MORC1: variants seen among roughly 807,000 people sequenced by gnomAD.
MORC1 encodes the protein MORC family CW-type zinc finger 1, also known as MORC family CW-type zinc finger protein 1.
MORC1 carries 59 observed loss-of-function variants against 134.9 expected under a neutral mutation model. The observed-to-expected ratio is 0.44, with a 90% CI of 0.35 to 0.54. The LOEUF is 0.54. MORC1 is among the 20% of genes least tolerant of loss of function. MORC1 has a pLI of 0.00. For synonymous variants in MORC1, 395 were observed against 391.7 expected (o/e 1.01, Z -0.10); for missense variants, 947 against 1,134.5 (o/e 0.83, Z 2.37).
At chr3:109,090,501 T>G (rs2107755468) in intron 8 of MORC1, among the ~76,000 whole-genome samples, 1 of 151,008 alleles carries the variant, frequency 6.6e-6, no homozygotes, top group Non-Finnish European at 1.5e-5. Context: ...ATGCTTGTAA[T>G]CCCAGCTACT....
intron 20 of MORC1, among the ~76,000 whole-genome samples, chr3:109,003,430 C>CAG (rs1553746836): frequency 6.1e-5 from 9 of 146,974 alleles, no homozygotes; most frequent in African/African-American, 2.3e-4. Context: ...CACACACACA[C>CAG]GCATGCATAC....
intron 17 of MORC1, among the ~76,000 whole-genome samples, chr3:109,027,543 C>T (rs372619270): frequency 6.7e-6 from 1 of 150,150 alleles, no homozygotes; most frequent in East Asian, 1.9e-4. Flanking sequence ...TATAGATGGG[C>T]TTAGATATCA....
intron 15 of MORC1, 75 bp from the exon 16 acceptor site, chr3:109,032,900 T>C: frequency 1.1e-6 from 1 of 932,448 alleles, no homozygotes; most frequent in East Asian, 2.4e-5. Flanking sequence ...AGTTTGCACA[T>C]ATCAAAAGTA....
At chr3:109,009,599 G>C (rs775805282) in intron 17 of MORC1, among the ~76,000 whole-genome samples, 1 of 152,140 alleles carries the variant, frequency 6.6e-6, no homozygotes, top group Non-Finnish European at 1.5e-5. Flanking sequence ...TTTCCATGAG[G>C]ATCTTACAGT....
rs1326995509 is a variant in MORC1 at position 108,969,708 on chromosome 3, T to C, written c.2565A>G (p.Pro855=). 6.2e-7 allele frequency: 1 copy of C among 1,613,852 alleles called. No individual in the cohort carries two copies. The highest frequency in any genetic ancestry group is 2.2e-5 in the East Asian group (1 of 44,838). ...PALSCELEQC[P]EQMNKKLKMC... ...TTTTCAGCTTTTTGTTCATCTGCTC[T>C]GGGCACTGCTCCAGCTGTTTTCATA... is the stretch of plus-strand genomic sequence containing the variant. The change falls in exon 26 of 28, where the codon CCA becomes CCG. Residue 855 remains proline, a synonymous_variant. Coordinates refer to ENST00000232603, the MANE Select transcript of MORC1 (RefSeq NM_014429.4).
chr3:109,054,599 A>T, intron 14 of MORC1, 129 bp downstream of exon 14: 1 of 815,506 alleles, frequency 1.2e-6, no homozygotes, highest in Non-Finnish European at 1.8e-6. Context: ...TCCTGTTTTT[A>T]AAGCAGGAGC....
chr3:109,040,663 C>T (rs957542972), intron 14 of MORC1, among the ~76,000 whole-genome samples: 2 of 151,280 alleles, frequency 1.3e-5, no homozygotes, highest in African/African-American at 4.9e-5. Flanking sequence ...AACCCCATCT[C>T]TACTAAAAAT....
intron 14 of MORC1, among the ~76,000 whole-genome samples, chr3:109,037,286 T>C (rs1054152619): frequency 7.2e-5 from 11 of 152,342 alleles, no homozygotes; most frequent in South Asian, 4.1e-4. Flanking sequence ...TCAGCTTCCT[T>C]AGCCTTTGAG....
At chr3:109,062,388 T>C (rs1950103221) in intron 10 of MORC1, among the ~76,000 whole-genome samples, 2 of 151,804 alleles carry the variant, frequency 1.3e-5, no homozygotes, top group Non-Finnish European at 2.9e-5. Flanking sequence ...GTTTTGTTCC[T>C]GCAGTAGGAG....
chr3:109,094,507 A>C (rs1199469797), intron 7 of MORC1, among the ~76,000 whole-genome samples: 1 of 152,170 alleles, frequency 6.6e-6, no homozygotes, highest in Non-Finnish European at 1.5e-5. Flanking sequence ...ACTTTTGCTA[A>C]CTCTTTGCCA....
At chr3:109,033,794 C>G (rs1407495425) in intron 15 of MORC1, among the ~76,000 whole-genome samples, 1 of 152,204 alleles carries the variant, frequency 6.6e-6, no homozygotes, top group Non-Finnish European at 1.5e-5. Flanking sequence ...TAGACACTAT[C>G]CTTAGCACTT....
At chr3:109,033,299 AGGAAGGAAG>A (rs1290877308) in intron 15 of MORC1, among the ~76,000 whole-genome samples, 11 of 45,452 alleles carry the variant, frequency 2.4e-4, no homozygotes, top group Non-Finnish European at 6.7e-4. Flanking sequence ...GAAGGAAGGA[AGGAAGGAAG>A]GAAGGAAGGA....
At chr3:108,987,039 C>A in intron 21 of MORC1, 90 bp from the exon 22 acceptor site, 1 of 924,426 alleles carries the variant, frequency 1.1e-6, no homozygotes, top group Non-Finnish European at 1.6e-6. Flanking sequence ...GTGTCCCCAG[C>A]AGAAAAGAAA....
chr3:109,061,555 G>T (rs944433745), intron 11 of MORC1, among the ~76,000 whole-genome samples: 2 of 152,166 alleles, frequency 1.3e-5, no homozygotes, highest in African/African-American at 2.4e-5. Flanking sequence ...AAGAAGGATT[G>T]CTTGTTAGAC....
chr3:108,980,269 G>C, intron 23 of MORC1, among the ~76,000 whole-genome samples: 1 of 152,148 alleles, frequency 6.6e-6, no homozygotes, highest in East Asian at 1.9e-4. Flanking sequence ...AGAAGCTCCA[G>C]AGTGGAACTT....
chr3:109,112,091 C>T (rs1374041335), intron 2 of MORC1, among the ~76,000 whole-genome samples: 7 of 152,146 alleles, frequency 4.6e-5, no homozygotes. Context: ...TTAATAAATG[C>T]CACTGTACTG....
At chr3:109,092,492 T>C (rs1372409419) in intron 8 of MORC1, among the ~76,000 whole-genome samples, 2 of 152,178 alleles carry the variant, frequency 1.3e-5, no homozygotes, top group Non-Finnish European at 2.9e-5. Context: ...TGGCCACCTG[T>C]GGCTATTGGG....
Position 108,959,119 on chromosome 3 carries a change from C to A in MORC1, c.2801G>T (p.Gly934Val). 2 of 1,572,646 alleles carry A rather than the reference C, an allele frequency of 1.3e-6. No individual in the cohort carries two copies. The highest frequency in any genetic ancestry group is 1.7e-6 in the Non-Finnish European group (2 of 1,164,388). Residue 934 changes from glycine to valine, a missense_variant and splice_region_variant, in exon 28 of 28, where the codon GGT becomes GTT. Physicochemically the swap from Gly to Val is moderately radical, Grantham distance 109 (BLOSUM62 -3). This residue lies in a region of MORC1 where 722 missense variants were observed against 817.0 expected (regional missense o/e 0.88). Coordinates refer to ENST00000232603, the MANE Select transcript of MORC1 (RefSeq NM_014429.4). ...CTGCTCCAGGTCACCTTCTGGACCACCCTGGAAAAGAGAAGCAACAGTCAC... is the reference window on the plus strand; with the variant it reads ...CTGCTCCAGGTCACCTTCTGGACCAACCTGGAAAAGAGAAGCAACAGTCAC... ...LALLLQKLQL[G>V]GPEGDLEQTD...
intron 14 of MORC1, among the ~76,000 whole-genome samples, chr3:109,046,950 T>C (rs1363887193): frequency 6.6e-6 from 1 of 152,204 alleles, no homozygotes; most frequent in Non-Finnish European, 1.5e-5. Context: ...ATGAACCATT[T>C]AGCAAACTGT....
Sources: allele counts gnomAD v4.1 joint callset (sites outside exome capture counted in the v4.1 genomes callset), GRCh38; gene constraint gnomAD v4.1.1; regional missense constraint gnomAD v4.1.1; transcripts MANE v1.5; gene names NCBI Gene and HGNC (gene_info 2026-07-23, HGNC 2026-07-21).